NPY2R: variants seen among roughly 807,000 people sequenced by gnomAD.
NPY2R encodes neuropeptide Y receptor type 2.
NPY2R carries 17 observed loss-of-function variants against 22.3 expected under a neutral mutation model. The observed-to-expected ratio is 0.76, with a 90% confidence interval of 0.52 to 1.14. The LOEUF (loss-of-function observed/expected upper bound fraction) is 1.14, where lower values mean the gene tolerates loss of function less well. NPY2R is among the 50% of genes most tolerant of loss of function. NPY2R has a pLI of 0.00. For missense variants in NPY2R, 424 were observed against 467.9 expected (o/e 0.91, Z 0.87); for synonymous variants, 209 against 183.4 (o/e 1.14, Z -1.13).
Position 155,216,003 on chromosome 4 carries a change from C to G in NPY2R, c.*918C>G, listed in dbSNP as rs1025544550. 6.0e-6 allele frequency: 1 copy of G among 167,000 alleles called. No homozygotes were observed. Among genetic ancestry groups the G allele is most frequent in the Non-Finnish European group, 1.5e-5 (1 of 68,102 alleles). The allele number at this position is 167,000 out of a possible 1,614,324, so 10.3% of individuals were successfully genotyped here. A position where few individuals can be genotyped will look rare whatever the true frequency, so the allele number is the denominator to read the frequency against. Reference sequence around the variant, plus strand: ...GAATAATTTTTGTGGCATGTTGTAACATTTCACAGTATTTACAAGCTATTT... The same window carrying G: ...GAATAATTTTTGTGGCATGTTGTAAGATTTCACAGTATTTACAAGCTATTT... On this transcript the variant is annotated 3_prime_UTR_variant, in exon 2 of 2. Transcript: ENST00000329476.
chr4:155,186,744 C>T, the NPY2R span, among the ~76,000 whole-genome samples: 1 of 152,060 alleles, frequency 6.6e-6, no homozygotes, highest in Non-Finnish European at 1.5e-5. Context: ...TCTTCCTGAC[C>T]ACTCCCAGCC....
the NPY2R span, among the ~76,000 whole-genome samples, chr4:155,178,417 A>G: frequency 1.3e-5 from 2 of 152,188 alleles, no homozygotes; most frequent in African/African-American, 2.4e-5. Context: ...ACTGCTTAGC[A>G]TGTGCACTAG....
chr4:155,214,816 A>G lies in NPY2R; in HGVS notation c.877A>G (p.Ile293Val). Residue 293 changes from isoleucine to valine, a missense_variant, in exon 2 of 2, where the codon ATT (isoleucine) becomes GTT (valine). Coordinates refer to ENST00000329476, the MANE Select transcript of NPY2R (RefSeq NM_000910.4). ...PLHAFQLAVD[I>V]DSQVLDLKEY... ...CCATGCCTTCCAGCTTGCCGTTGAC[A>G]TTGACAGCCAGGTCCTGGACCTGAA... 1 of 1,612,018 alleles carries G rather than the reference A, an allele frequency of 6.2e-7. No homozygotes were observed.
the NPY2R span, among the ~76,000 whole-genome samples, chr4:155,198,148 G>A: frequency 6.6e-6 from 1 of 151,952 alleles, no homozygotes; most frequent in East Asian, 1.9e-4. Context: ...GTATCTAACA[G>A]GTATTGATCA....
intron 1 of NPY2R, among the ~76,000 whole-genome samples, 162 bp from the exon 2 acceptor site, chr4:155,213,730 A>T: frequency 6.6e-6 from 1 of 152,208 alleles, no homozygotes; most frequent in Non-Finnish European, 1.5e-5. Context: ...ATTTCATTAA[A>T]ATGTTTTGCT....
chr4:155,214,373 C>T lies in NPY2R; in HGVS notation c.434C>T (p.Ala145Val). The T allele has an allele frequency of 1.2e-6, 2 of 1,614,100 alleles. No individual in the cohort carries two copies. Among genetic ancestry groups the T allele is most frequent in the Non-Finnish European group, 1.7e-6 (2 of 1,180,026 alleles). Residue 145 changes from alanine (A) to valine (V), a missense_variant, in exon 2 of 2, where the codon GCC (alanine) becomes GTC (valine). Coordinates refer to ENST00000329476, the MANE Select transcript of NPY2R (RefSeq NM_000910.4). ...QVSTITLTVI[A>V]LDRHRCIVYH... is the part of the protein sequence containing the mutation. ...TCCACAATCACCTTGACAGTAATTG[C>T]CCTGGACCGGCACAGGTGCATCGTC... is the stretch of plus-strand genomic sequence containing the variant.
rs1262267393 is a variant in NPY2R, at chr4:155,214,666, TG to T, written c.729del (p.Trp243Ter). Reference protein sequence around the residue: ...GIISFSYTRIWSKLKNHVSPG... With the variant: ...GIISFSYTRIXSKLKNHVSPG... Reference sequence around the variant, plus strand: ...TATATCATTTTCCTACACTCGCATTTGGAGTAAATTGAAGAACCATGTCAGT... The same window carrying T: ...TATATCATTTTCCTACACTCGCATTTGAGTAAATTGAAGAACCATGTCAGT... On this transcript the variant is annotated frameshift_variant, in exon 2 of 2. Transcript: ENST00000329476. LOFTEE classifies it high-confidence loss of function. 1 of 1,614,250 alleles carries T rather than the reference TG, an allele frequency of 6.2e-7. No individual in the cohort carries two copies. The highest frequency in any genetic ancestry group is 1.1e-5 in the South Asian group (1 of 91,088).
the NPY2R span, among the ~76,000 whole-genome samples, chr4:155,183,811 G>T: frequency 6.6e-6 from 1 of 152,094 alleles, no homozygotes; most frequent in Non-Finnish European, 1.5e-5. Context: ...GACAATAGTG[G>T]TAGGGATTAC....
At chr4:155,205,850 T>TATCTA (rs1553956831), upstream of NPY2R, among the ~76,000 whole-genome samples, 1 of 151,030 alleles carries the variant, frequency 6.6e-6, no homozygotes, top group East Asian at 1.9e-4. Context: ...TCTATCTATC[T>TATCTA]ATCTATGATT....
At chr4:155,185,636 T>A in the NPY2R span, among the ~76,000 whole-genome samples, 1 of 151,938 alleles carries the variant, frequency 6.6e-6, no homozygotes, top group African/African-American at 2.4e-5. Flanking sequence ...CTGGAGAAAA[T>A]CTCTAAGGTA....
the NPY2R span, among the ~76,000 whole-genome samples, chr4:155,179,880 T>A: frequency 3.9e-5 from 6 of 152,312 alleles, no homozygotes; most frequent in African/African-American, 1.4e-4. Context: ...TCTTCCATCA[T>A]CTTGAAATTT....
intron 1 of NPY2R, among the ~76,000 whole-genome samples, chr4:155,211,549 A>C (rs1286264872): frequency 6.6e-6 from 1 of 152,220 alleles, no homozygotes; most frequent in African/African-American, 2.4e-5. Flanking sequence ...TTTCTTCTAT[A>C]GGCCAGTGTT....
At chr4:155,205,185 A>G (rs1729256852), upstream of NPY2R, among the ~76,000 whole-genome samples, 1 of 152,222 alleles carries the variant, frequency 6.6e-6, no homozygotes, top group Non-Finnish European at 1.5e-5. Flanking sequence ...TCAAGTGCTC[A>G]ATAACCACAT....
At chr4:155,178,720 A>G in the NPY2R span, among the ~76,000 whole-genome samples, 1 of 152,228 alleles carries the variant, frequency 6.6e-6, no homozygotes, top group Non-Finnish European at 1.5e-5. Context: ...CTGAATAAAT[A>G]GAATGCTTTA....
the NPY2R span, among the ~76,000 whole-genome samples, chr4:155,188,964 G>T: frequency 6.6e-6 from 1 of 152,076 alleles, no homozygotes; most frequent in Non-Finnish European, 1.5e-5. Context: ...ACTAATAAGA[G>T]AACTTTTAAA....
At chr4:155,182,514 A>C in the NPY2R span, among the ~76,000 whole-genome samples, 1 of 152,230 alleles carries the variant, frequency 6.6e-6, no homozygotes, top group Non-Finnish European at 1.5e-5. Context: ...AGCTGATGTC[A>C]CTTGGTTCTT....
intron 1 of NPY2R, among the ~76,000 whole-genome samples, chr4:155,210,303 T>C (rs1196591638): frequency 1.3e-5 from 2 of 148,714 alleles, no homozygotes; most frequent in South Asian, 2.2e-4. Flanking sequence ...TTCTAAGAGC[T>C]TGTAGATCAA....
the NPY2R span, chr4:155,174,417 C>T: frequency 6.9e-6 from 1 of 145,158 alleles, no homozygotes; most frequent in East Asian, 2.0e-4. Context: ...AGTGATAGAG[C>T]TCAGATATTT....
the NPY2R span, among the ~76,000 whole-genome samples, chr4:155,192,909 C>T: frequency 6.6e-6 from 1 of 151,930 alleles, no homozygotes; most frequent in African/African-American, 2.4e-5. Context: ...GGTAATAACC[C>T]ATTTAGATTT....
Sources: gnomAD v4.1 joint callset for allele counts (sites outside exome capture counted in the v4.1 genomes callset) on GRCh38, gnomAD v4.1.1 for gene constraint, MANE v1.5 for transcripts, NCBI Gene and HGNC (gene_info 2026-07-23, HGNC 2026-07-21) for gene names.